Variants in TLR10 observed in about 807,000 individuals in gnomAD.
The protein encoded by TLR10 is toll like receptor 10.
For missense variants in TLR10, 929 were observed against 932.9 expected (o/e 1.00, Z 0.05); for synonymous variants, 288 against 338.8 (o/e 0.85, Z 1.65).
Position 38,775,317 on chromosome 4 carries a change from A to C in TLR10, c.274T>G (p.Phe92Val). 1 of 1,614,100 alleles carries C rather than the reference A, an allele frequency of 6.2e-7. No homozygotes were observed. The highest frequency in any genetic ancestry group is 1.3e-5 in the African/African-American group (1 of 75,042). Residue 92 changes from phenylalanine to valine, a missense_variant, in exon 4 of 4, where the codon TTT (phenylalanine) becomes GTT (valine). Physicochemically the swap from Phe to Val is conservative, Grantham distance 50. Coordinates refer to ENST00000308973, the MANE Select transcript of TLR10 (RefSeq NM_030956.4). Reference protein sequence around the residue: ...NRIQQLDLKTFEFNKELRYLD... With the variant: ...NRIQQLDLKTVEFNKELRYLD... ...TATCTTAACTCCTTGTTGAATTCAAAGGTTTTGAGATCCAGCTGTTGAATT... is the reference window on the plus strand; with the variant it reads ...TATCTTAACTCCTTGTTGAATTCAACGGTTTTGAGATCCAGCTGTTGAATT...
At position 38,775,092 on chromosome 4, in the gene TLR10, G is replaced by T; in HGVS notation, c.499C>A (p.Leu167Ile). 6.2e-7 allele frequency: 1 copy of T among 1,612,976 alleles called. No homozygotes were observed. The highest frequency in any genetic ancestry group is 8.5e-7 in the Non-Finnish European group (1 of 1,179,998). ...CTGAATCCTAAGAAGACAGTATTTA[G>T]ATGCAGATGAGCAATTTTCTGGAAA... is the stretch of plus-strand genomic sequence containing the variant. ...SDFQKIAHLH[L>I]NTVFLGFRTL... Residue 167 changes from leucine to isoleucine, a missense_variant, in exon 4 of 4, where the codon CTA becomes ATA. Transcript: ENST00000308973.
At chr4:38,780,058 T>A (rs1485415843) in intron 1 of TLR10, among the ~76,000 whole-genome samples, 1 of 152,228 alleles carries the variant, frequency 6.6e-6, no homozygotes, top group African/African-American at 2.4e-5. Context: ...GTTGAATGAA[T>A]GAATTTATGT....
chr4:38,778,894 C>T (rs543705540), intron 1 of TLR10: 1 of 152,338 alleles, frequency 6.6e-6, no homozygotes, highest in South Asian at 2.1e-4. Context: ...GCACGCCCAT[C>T]CACAGGAATG....
rs1366872714 is a variant in TLR10, at chr4:38,775,066, T to A, written c.525A>T (p.Arg175Ser). Residue 175 changes from arginine (R) to serine (S), a missense_variant, in exon 4 of 4, where the codon AGA becomes AGT. Physicochemically the swap from Arg to Ser is moderately radical, Grantham distance 110. Transcript: ENST00000308973. ...LHLNTVFLGF[R>S]TLPHYEEGSL... is the part of the protein sequence containing the mutation. ...TACCTTCTTCATAATGAGGAAGAGT[T>A]CTGAATCCTAAGAAGACAGTATTTA... is the stretch of plus-strand genomic sequence containing the variant. 18 of 1,612,690 alleles carry A rather than the reference T, an allele frequency of 1.1e-5. No homozygotes were observed. The highest frequency in any genetic ancestry group is 1.4e-5 in the Non-Finnish European group (17 of 1,179,966).
rs1426713477 is a variant in TLR10 at position 38,773,568 on chromosome 4, C to T, written c.2023G>A (p.Gly675Ser). 6.2e-7 allele frequency: 1 copy of T among 1,607,070 alleles called. No homozygotes were observed. Among genetic ancestry groups the T allele is most frequent in the Non-Finnish European group, 8.5e-7 (1 of 1,177,060 alleles). The change falls in exon 4 of 4, where the codon GGC becomes AGC. Residue 675 changes from glycine to serine, a missense_variant. Transcript: ENST00000308973. The stretch of plus-strand genomic sequence containing the variant: ...ACAATATTTTCACTAATGCTTTTGC[C>T]AGGGTCAAAGTAGCTTTCATAAAGG... Reference protein sequence around the residue: ...ICLYESYFDPGKSISENIVSF... With the variant: ...ICLYESYFDPSKSISENIVSF...
At position 38,772,593 on chromosome 4, in the gene TLR10, G is replaced by GGCCATGA. The variant is rs1724696031; in HGVS notation, c.*555_*561dup. On this transcript the variant is annotated 3_prime_UTR_variant, in exon 4 of 4. Coordinates refer to ENST00000308973, the MANE Select transcript of TLR10 (RefSeq NM_030956.4). ...TTTATTGAATTAGACCTTATTTTGT[G>GGCCATGA]GCCATGAGGATGTTTTCCATTTTTT... 6.6e-6 allele frequency: 1 copy of GGCCATGA among 150,656 alleles called. No individual in the cohort carries two copies. Among genetic ancestry groups the GGCCATGA allele is most frequent in the South Asian group, 2.1e-4 (1 of 4,754 alleles). The allele number at this position is 150,656 out of a possible 1,614,324, so 9.3% of individuals were successfully genotyped here. A position where few individuals can be genotyped will look rare whatever the true frequency, so the allele number is the denominator to read the frequency against.
chr4:38,773,271 CA>C lies in TLR10; in HGVS notation c.2319del (p.Ala774LeufsTer7), dbSNP rs868692195. 5.6e-6 allele frequency: 9 copies of C among 1,611,796 alleles called. No homozygotes were observed. The highest frequency in any genetic ancestry group is 2.7e-5 in the African/African-American group (2 of 74,728). ...GTGGCTAATACATTAACATTAATAG[CA>C]GCTCGAAGGTTTGCCCAGAAAAGCC... Reference protein sequence around the residue: ...KCGLFWANLRAAINVNVLATR... With the variant: ...KCGLFWANLRXAINVNVLATR... On this transcript the variant is annotated frameshift_variant, in exon 4 of 4. Coordinates refer to ENST00000308973, the MANE Select transcript of TLR10 (RefSeq NM_030956.4). LOFTEE classifies it low-confidence loss of function (END_TRUNC).
chr4:38,780,293 A>C (rs1213470937), intron 1 of TLR10, among the ~76,000 whole-genome samples: 1 of 151,706 alleles, frequency 6.6e-6, no homozygotes, highest in Non-Finnish European at 1.5e-5. Flanking sequence ...AGTCCCAGCT[A>C]CTCGGGAGGC....
Position 38,772,375 on chromosome 4 carries a change from A to G in TLR10, c.*780T>C, listed in dbSNP as rs1180626815. ...TAATCCAACCTCCCAGACCCAAACCACTGTTACTACATCTGGTATAGATTT... is the reference window on the plus strand; with the variant it reads ...TAATCCAACCTCCCAGACCCAAACCGCTGTTACTACATCTGGTATAGATTT... On this transcript the variant is annotated 3_prime_UTR_variant, in exon 4 of 4. Coordinates refer to ENST00000308973, the MANE Select transcript of TLR10 (RefSeq NM_030956.4). 6.6e-6 allele frequency: 1 copy of G among 152,088 alleles called. No homozygotes were observed. Among genetic ancestry groups the G allele is most frequent in the East Asian group, 1.9e-4 (1 of 5,200 alleles). 9.4% of individuals were successfully genotyped at this position (152,088 alleles called of 1,614,324 possible).
chr4:38,774,524 G>T lies in TLR10; in HGVS notation c.1067C>A (p.Ala356Asp). Reference sequence around the variant, plus strand: ...CAACTCGTCTGTTAAGATATTATTGGCAAAATTTAAATATTGGAATTTCGT... The same window carrying T: ...CAACTCGTCTGTTAAGATATTATTGTCAAAATTTAAATATTGGAATTTCGT... ...YPTKFQYLNF[A>D]NNILTDELFK... is the part of the protein sequence containing the mutation. Residue 356 changes from alanine (A) to aspartate (D), a missense_variant, in exon 4 of 4, where the codon GCC becomes GAC. Ala to Asp is a moderately radical substitution (Grantham distance 126, BLOSUM62 -2). Transcript: ENST00000308973. 1 of 1,583,106 alleles carries T rather than the reference G, an allele frequency of 6.3e-7. No homozygotes were observed. Among genetic ancestry groups the T allele is most frequent in the Non-Finnish European group, 8.6e-7 (1 of 1,168,628 alleles).
intron 1 of TLR10, among the ~76,000 whole-genome samples, chr4:38,777,613 A>G (rs139508711): frequency 0.028 from 4,254 of 152,310 alleles, 204 homozygotes; most frequent in African/African-American, 0.097. Flanking sequence ...CAAGAAAAAA[A>G]CAACCCCATC....
At chr4:38,778,288 G>C (rs10013235) in intron 1 of TLR10, among the ~76,000 whole-genome samples, 1 of 152,010 alleles carries the variant, frequency 6.6e-6, no homozygotes, top group Non-Finnish European at 1.5e-5. Flanking sequence ...GTCAGGGGGT[G>C]GGGGGCTAGG....
At chr4:38,777,555 T>G (rs745357405) in intron 1 of TLR10, among the ~76,000 whole-genome samples, 17 of 152,148 alleles carry the variant, frequency 1.1e-4, no homozygotes, top group Non-Finnish European at 1.9e-4. Context: ...TCTGTCCATC[T>G]GACAAAGGGC....
chr4:38,780,246 T>C (rs1056668769), intron 1 of TLR10, among the ~76,000 whole-genome samples: 3 of 151,772 alleles, frequency 2.0e-5, no homozygotes, highest in Admixed American at 6.6e-5. Flanking sequence ...ACTAAAAAAA[T>C]ACAAAAAATT....
chr4:38,781,100 T>G (rs1579184900), intron 1 of TLR10, among the ~76,000 whole-genome samples: 1 of 152,184 alleles, frequency 6.6e-6, no homozygotes, highest in Non-Finnish European at 1.5e-5. Context: ...GAACTCTTTT[T>G]GAACTTCTCT....
chr4:38,781,789 T>C (rs1393007700), intron 1 of TLR10, among the ~76,000 whole-genome samples: 1 of 152,238 alleles, frequency 6.6e-6, no homozygotes, highest in African/African-American at 2.4e-5. Flanking sequence ...GAATGTTGAA[T>C]GATCTTTGCA....
Position 38,772,457 on chromosome 4 carries a change from C to T in TLR10, c.*698G>A, listed in dbSNP as rs1724684490. Reference sequence around the variant, plus strand: ...GGCAAAAACCACAATTAGTTTTGCACCAACCTAATAGTTTATAACATATTA... The same window carrying T: ...GGCAAAAACCACAATTAGTTTTGCATCAACCTAATAGTTTATAACATATTA... On this transcript the variant is annotated 3_prime_UTR_variant, in exon 4 of 4. Coordinates refer to ENST00000308973, the MANE Select transcript of TLR10 (RefSeq NM_030956.4). The T allele has an allele frequency of 6.6e-6, 1 of 152,062 alleles. No homozygotes were observed. Among genetic ancestry groups the T allele is most frequent in the South Asian group, 2.1e-4 (1 of 4,820 alleles). The allele number at this position is 152,062 out of a possible 1,614,324, so 9.4% of individuals were successfully genotyped here. A position where few individuals can be genotyped will look rare whatever the true frequency, so the allele number is the denominator to read the frequency against.
rs868767036 is a variant in TLR10 at position 38,775,791 on chromosome 4, C to T, written c.-79G>A. Reference sequence around the variant, plus strand: ...GGTTCCAACCTGTATATTGGGTCTTCGACTTGATCTCAGAGCATTGGCTGA... The same window carrying T: ...GGTTCCAACCTGTATATTGGGTCTTTGACTTGATCTCAGAGCATTGGCTGA... On this transcript the variant is annotated 5_prime_UTR_variant, in exon 3 of 4. Transcript: ENST00000308973. 11 of 453,762 alleles carry T rather than the reference C, an allele frequency of 2.4e-5. No homozygotes were observed. Among genetic ancestry groups the T allele is most frequent in the African/African-American group, 1.2e-4 (6 of 49,632 alleles). 28.1% of individuals were successfully genotyped at this position (453,762 alleles called of 1,614,324 possible).
intron 1 of TLR10, among the ~76,000 whole-genome samples, chr4:38,777,392 A>G (rs1020736994): frequency 2.6e-5 from 4 of 152,186 alleles, no homozygotes; most frequent in Non-Finnish European, 4.4e-5. Flanking sequence ...GAATCAGAGA[A>G]GAGGTCGGAT....
Sources: gnomAD v4.1 joint callset for allele counts (sites outside exome capture counted in the v4.1 genomes callset) on GRCh38, gnomAD v4.1.1 for gene constraint, MANE v1.5 for transcripts, NCBI Gene and HGNC (gene_info 2026-07-23, HGNC 2026-07-21) for gene names.